The following EXOC6 variants were observed in gnomAD, a reference collection of about 807,000 sequenced individuals.
The protein encoded by EXOC6 is SEC15-like 1.
EXOC6 carries 60 observed loss-of-function variants against 112.5 expected under a neutral mutation model. The ratio of observed to expected loss-of-function variants is 0.53; its 90% confidence interval spans 0.43 to 0.66. The LOEUF is 0.66. Among genes scored for constraint, EXOC6 ranks in the 30% least tolerant of loss-of-function variants. The pLI is 0.00. For synonymous variants in EXOC6, 295 were observed against 308.0 expected (o/e 0.96, Z 0.44); for missense variants, 855 against 957.1 (o/e 0.89, Z 1.41).
intron 6 of EXOC6, among the ~76,000 whole-genome samples, 161 bp downstream of exon 6, chr10:92,909,792 T>G (rs1850638358): frequency 6.6e-6 from 1 of 152,260 alleles, no homozygotes; most frequent in Non-Finnish European, 1.5e-5. Flanking sequence ...CAGTGTTTTC[T>G]TTGGCTTCAC....
rs80048772 is a variant in EXOC6 at position 92,943,668 on chromosome 10, A to T, written c.1310+2844A>T. 1.5e-3 allele frequency among the ~76,000 whole-genome samples: 226 copies of T among 151,874 alleles called. 6 individuals carry two copies. The East Asian group carries it at 0.04, about 27-fold the overall frequency. Reference sequence around the variant, plus strand: ...GGTATATTGTATACATTATGGAATGATTAAATCAAGCAAATTAACATATCC... The same window carrying T: ...GGTATATTGTATACATTATGGAATGTTTAAATCAAGCAAATTAACATATCC... On this transcript the variant is annotated intron_variant, in intron 13 of 21. Coordinates refer to ENST00000260762, the MANE Select transcript of EXOC6 (RefSeq NM_019053.6).
chr10:92,845,392 T>C (rs1335623414), upstream of EXOC6, among the ~76,000 whole-genome samples: 1 of 149,134 alleles, frequency 6.7e-6, no homozygotes, highest in Non-Finnish European at 1.5e-5. Flanking sequence ...ATCTCTACTA[T>C]AAATACAAAA....
intron 19 of EXOC6, chr10:92,999,320 C>A: frequency 2.5e-6 from 1 of 392,846 alleles, no homozygotes; most frequent in Middle Eastern, 4.2e-4. Flanking sequence ...GCCTTGGCAT[C>A]CCAAAATGCT....
At chr10:92,867,838 T>C (rs995745415) in intron 1 of EXOC6, among the ~76,000 whole-genome samples, 1 of 152,166 alleles carries the variant, frequency 6.6e-6, no homozygotes, top group Non-Finnish European at 1.5e-5. Flanking sequence ...GACAAAAATA[T>C]ATCTGCATTT....
chr10:93,032,382 A>G (rs1273279528), intron 20 of EXOC6, among the ~76,000 whole-genome samples: 2 of 152,208 alleles, frequency 1.3e-5, no homozygotes, highest in East Asian at 1.9e-4. Flanking sequence ...AGGTCATTAC[A>G]TGCCTTTACG....
At chr10:92,895,629 A>G (rs1383407029) in intron 4 of EXOC6, among the ~76,000 whole-genome samples, 2 of 152,208 alleles carry the variant, frequency 1.3e-5, no homozygotes, top group South Asian at 4.1e-4. Context: ...GATTTAATAT[A>G]CTTTAAGTTG....
At chr10:92,957,088 G>A (rs1853733839) in intron 17 of EXOC6, among the ~76,000 whole-genome samples, 1 of 152,046 alleles carries the variant, frequency 6.6e-6, no homozygotes, top group Admixed American at 6.6e-5. Flanking sequence ...AGGAGGAGAT[G>A]CCACAAGTTT....
intron 1 of EXOC6, 113 bp from the exon 2 acceptor site, chr10:92,893,236 T>G: frequency 2.9e-6 from 2 of 697,260 alleles, no homozygotes; most frequent in East Asian, 5.3e-5. Flanking sequence ...AAAGGTAATA[T>G]TATCACCAGT....
At chr10:92,885,913 A>G (rs1042165605) in intron 1 of EXOC6, among the ~76,000 whole-genome samples, 10 of 151,982 alleles carry the variant, frequency 6.6e-5, no homozygotes, top group Admixed American at 3.9e-4. Context: ...GTATACTCTT[A>G]TTGGATGTGG....
At chr10:93,036,776 C>T (rs1845534670) in intron 20 of EXOC6, among the ~76,000 whole-genome samples, 1 of 152,120 alleles carries the variant, frequency 6.6e-6, no homozygotes, top group African/African-American at 2.4e-5. Flanking sequence ...TGGGCAAATA[C>T]AGAATATTTC....
intron 20 of EXOC6, among the ~76,000 whole-genome samples, chr10:93,053,116 G>A (rs1453204721): frequency 6.6e-6 from 1 of 152,136 alleles, no homozygotes; most frequent in African/African-American, 2.4e-5. Context: ...AGTGACTGTT[G>A]GGGTAGAGTG....
chr10:92,997,441 T>A, intron 18 of EXOC6, 33 bp from the exon 19 acceptor site: 1 of 1,580,988 alleles, frequency 6.3e-7, no homozygotes, highest in Non-Finnish European at 8.6e-7. Flanking sequence ...GTGTGTTTAT[T>A]TGTTTGATTT....
intron 17 of EXOC6, among the ~76,000 whole-genome samples, chr10:92,965,332 A>T (rs752221094): frequency 6.6e-5 from 10 of 152,202 alleles, no homozygotes; most frequent in Admixed American, 6.5e-5. Flanking sequence ...GGAACCACAG[A>T]TAGTATATTT....
intron 9 of EXOC6, among the ~76,000 whole-genome samples, chr10:92,929,933 C>T (rs1354961013): frequency 6.6e-6 from 1 of 152,140 alleles, no homozygotes; most frequent in African/African-American, 2.4e-5. Flanking sequence ...TGAGAATTTT[C>T]TGGGACAGAT....
intron 19 of EXOC6, among the ~76,000 whole-genome samples, chr10:93,010,632 G>C (rs1488942659): frequency 6.6e-6 from 1 of 151,430 alleles, no homozygotes; most frequent in African/African-American, 2.4e-5. Context: ...CTGGGAGAAG[G>C]AGGTTGTAGT....
chr10:93,015,694 T>C (rs1157834993), intron 20 of EXOC6, among the ~76,000 whole-genome samples: 1 of 151,960 alleles, frequency 6.6e-6, no homozygotes. Flanking sequence ...GATTGTGCCA[T>C]TGCACTCCAG....
intron 8 of EXOC6, among the ~76,000 whole-genome samples, chr10:92,925,817 G>A (rs1851681655): frequency 6.6e-6 from 1 of 151,848 alleles, no homozygotes; most frequent in Non-Finnish European, 1.5e-5. Flanking sequence ...ATGCCACTAT[G>A]CCTGGCTAAT....
intron 20 of EXOC6, among the ~76,000 whole-genome samples, chr10:93,024,667 C>CT (rs1350005788): frequency 6.6e-5 from 10 of 152,184 alleles, no homozygotes; most frequent in Admixed American, 6.5e-4. Flanking sequence ...ATCCACCCAG[C>CT]TAGGCCTCCC....
chr10:92,862,738 A>C lies in EXOC6; in HGVS notation c.101+14104A>C, dbSNP rs1158107672. Reference sequence around the variant, plus strand: ...CTCTTTTTATGGCTGAATAATTCTCATTATATAGATAGTCCACATTTTATT... The same window carrying C: ...CTCTTTTTATGGCTGAATAATTCTCCTTATATAGATAGTCCACATTTTATT... On this transcript the variant is annotated intron_variant, in intron 1 of 21. Coordinates refer to ENST00000260762, the MANE Select transcript of EXOC6 (RefSeq NM_019053.6). Among the ~76,000 whole-genome samples, 3 of 152,184 alleles carry C rather than the reference A, an allele frequency of 2.0e-5. No individual in the cohort carries two copies. In the East Asian group the frequency reaches 5.8e-4, roughly 29 times the overall value.
Sources: gnomAD v4.1 joint callset for allele counts (sites outside exome capture counted in the v4.1 genomes callset) on GRCh38, gnomAD v4.1.1 for gene constraint, MANE v1.5 for transcripts, NCBI Gene and HGNC (gene_info 2026-07-23, HGNC 2026-07-21) for gene names.